Variants in COL28A1 observed in about 807,000 individuals in gnomAD.
COL28A1 encodes the protein collagen alpha-1(XXVIII) chain.
Under a neutral mutation model 150.2 loss-of-function variants are expected in COL28A1, and 161 were observed. The observed-to-expected ratio is 1.07, with a 90% confidence interval of 0.94 to 1.22. The LOEUF is 1.22. Among genes scored for constraint, COL28A1 ranks in the 50% most tolerant of loss-of-function variants. COL28A1 has a pLI of 0.00. For synonymous variants in COL28A1, 552 were observed against 469.7 expected (o/e 1.18, Z -2.26); for missense variants, 1,617 against 1,388.3 (o/e 1.16, Z -2.62).
chr7:7,505,918 A>C (rs1398090191), intron 11 of COL28A1, 96 bp downstream of exon 11: 1 of 781,406 alleles, frequency 1.3e-6, no homozygotes. Context: ...GTACTTCCTC[A>C]AAGAATCCAT....
intron 30 of COL28A1, among the ~76,000 whole-genome samples, chr7:7,376,670 A>G (rs1175019208): frequency 6.6e-6 from 1 of 152,074 alleles, no homozygotes; most frequent in African/African-American, 2.4e-5. Context: ...AAGTATATCT[A>G]GAAAGGGGAA....
chr7:7,518,164 T>TAGG (rs1298389994), intron 6 of COL28A1, among the ~76,000 whole-genome samples: 1 of 152,170 alleles, frequency 6.6e-6, no homozygotes, highest in Non-Finnish European at 1.5e-5. Flanking sequence ...CTCTGGCTTT[T>TAGG]CTCTAAGGGG....
chr7:7,426,254 GTTTC>G (rs990709173), intron 25 of COL28A1, among the ~76,000 whole-genome samples: 3 of 152,164 alleles, frequency 2.0e-5, no homozygotes, highest in African/African-American at 4.8e-5. Flanking sequence ...GCTGCCTTAT[GTTTC>G]TTTCTTTCTG....
At position 7,370,743 on chromosome 7, in the gene COL28A1, T is replaced by C. The variant is rs528922739; in HGVS notation, c.3048A>G (p.Gln1016=). ...EELSESTPEP[Q]KEISESLSVT... ...TACTTACTGACTCAGAAATTTCTTT[T>C]TGAGGCTCTGGAGTAGATTCACTGA... is the stretch of plus-strand genomic sequence containing the variant. Residue 1016 remains glutamine, a synonymous_variant, in exon 33 of 35, where the codon CAA becomes CAG. Transcript: ENST00000399429. 3.1e-6 allele frequency: 5 copies of C among 1,611,228 alleles called. No individual in the cohort carries two copies. In the African/African-American group the frequency reaches 5.3e-5, roughly 17 times the overall value.
At chr7:7,541,040 A>G in the COL28A1 span, among the ~76,000 whole-genome samples, 122 of 152,350 alleles carry the variant, frequency 8.0e-4, 2 homozygotes, top group Admixed American at 7.1e-3. Flanking sequence ...ATATCCAAAA[A>G]AAGTTTTAAA....
the COL28A1 span, among the ~76,000 whole-genome samples, chr7:7,542,716 C>T: frequency 2.6e-5 from 4 of 152,146 alleles, no homozygotes; most frequent in Admixed American, 6.5e-5. Flanking sequence ...AGGGTTGTGA[C>T]ATGATCACAC....
chr7:7,359,896 G>C (rs370298451), intron 34 of COL28A1, among the ~76,000 whole-genome samples: 3 of 152,104 alleles, frequency 2.0e-5, no homozygotes, highest in African/African-American at 7.2e-5. Flanking sequence ...CACAAAAATT[G>C]TCTCTCATGT....
rs1451496327 is a variant in COL28A1 at position 7,485,758 on chromosome 7, G to T, written c.1164+3631C>A. Among the ~76,000 whole-genome samples the T allele has an allele frequency of 3.9e-5, 6 of 152,066 alleles. No individual in the cohort carries two copies. The East Asian group carries it at 1.2e-3, about 29-fold the overall frequency. ...TATTGGATTGCTTTCACAATCTGTT[G>T]ACTATACTTGTGTAGGTCTGAATCT... On this transcript the variant is annotated intron_variant, in intron 13 of 34. Coordinates refer to ENST00000399429, the MANE Select transcript of COL28A1 (RefSeq NM_001037763.3).
chr7:7,490,500 G>A lies in COL28A1; in HGVS notation c.1095+78C>T, dbSNP rs2128369233. On this transcript the variant is annotated intron_variant, in intron 12 of 34. Transcript: ENST00000399429. ...TGTGTCTATTGGATTTAGGCCAAAT[G>A]GAGTTCAAATCATGGCTCCCCCAGG... The A allele has an allele frequency of 1.5e-5, 11 of 718,440 alleles. No homozygotes were observed. The South Asian group carries it at 2.1e-4, about 14-fold the overall frequency. 44.5% of individuals were successfully genotyped at this position (718,440 alleles called of 1,614,324 possible).
chr7:7,392,894 C>A (rs546245055), intron 27 of COL28A1, among the ~76,000 whole-genome samples: 100 of 152,178 alleles, frequency 6.6e-4, no homozygotes, highest in African/African-American at 2.4e-3. Context: ...TTTCAAGGTT[C>A]TTAGCTTCCT....
chr7:7,443,675 TG>T, intron 19 of COL28A1, 22 bp from the exon 20 acceptor site: 1 of 1,613,782 alleles, frequency 6.2e-7, no homozygotes. Context: ...GACACTGATG[TG>T]TTAGCTGACC....
rs189882831 is a variant in COL28A1 at position 7,409,908 on chromosome 7, T to C, written c.2136+7951A>G. 5.3e-5 allele frequency among the ~76,000 whole-genome samples: 8 copies of C among 152,244 alleles called. No homozygotes were observed. In the South Asian group the frequency reaches 6.2e-4, roughly 12 times the overall value. ...TAATGATGATTCAAGCCCCACTCAA[T>C]TGAGAGCCTAAAGTTTTCATTCCAA... On this transcript the variant is annotated intron_variant, in intron 27 of 34. Transcript: ENST00000399429.
intron 27 of COL28A1, among the ~76,000 whole-genome samples, chr7:7,384,646 T>C (rs1386373044): frequency 6.6e-6 from 1 of 152,174 alleles, no homozygotes; most frequent in Non-Finnish European, 1.5e-5. Context: ...GGTTTGGTAG[T>C]ATCCAAGGTT....
In COL28A1 at chr7:7,524,104, C is replaced by T. The variant is rs530418777; in HGVS notation, c.702+125G>A. ...AGATGGCTGCCTCAGAATAGAGTGGCTCATTTTAAAAGAACTAAGCATTTT... is the reference window on the plus strand; with the variant it reads ...AGATGGCTGCCTCAGAATAGAGTGGTTCATTTTAAAAGAACTAAGCATTTT... On this transcript the variant is annotated intron_variant, in intron 4 of 34. Transcript: ENST00000399429. 4.4e-5 allele frequency: 31 copies of T among 702,332 alleles called. No individual in the cohort carries two copies. In the Admixed American group the frequency reaches 6.0e-4, roughly 14 times the overall value. The allele number at this position is 702,332 out of a possible 1,614,324, so 43.5% of individuals were successfully genotyped here. A position where few individuals can be genotyped will look rare whatever the true frequency, so the allele number is the denominator to read the frequency against.
intron 30 of COL28A1, among the ~76,000 whole-genome samples, chr7:7,376,175 A>G (rs1781531289): frequency 1.3e-5 from 2 of 152,050 alleles, no homozygotes; most frequent in Non-Finnish European, 2.9e-5. Flanking sequence ...GTGTGTTTAT[A>G]AGTAACTACA....
chr7:7,539,089 C>T (rs534580852), upstream of COL28A1, among the ~76,000 whole-genome samples: 9 of 141,172 alleles, frequency 6.4e-5, no homozygotes, highest in Non-Finnish European at 1.3e-4. Flanking sequence ...AGAATATGAC[C>T]TAGGCATTCT....
chr7:7,476,525 T>G (rs548636752), intron 14 of COL28A1, among the ~76,000 whole-genome samples: 1 of 152,226 alleles, frequency 6.6e-6, no homozygotes. Flanking sequence ...AGATACCATA[T>G]GGCTCACAAA....
At chr7:7,451,368 A>G (rs1461066221) in intron 18 of COL28A1, among the ~76,000 whole-genome samples, 1 of 151,916 alleles carries the variant, frequency 6.6e-6, no homozygotes, top group African/African-American at 2.4e-5. Flanking sequence ...TGGGACTACA[A>G]GCACGCATCA....
intron 14 of COL28A1, among the ~76,000 whole-genome samples, chr7:7,475,193 C>G (rs1437735030): frequency 2.0e-5 from 3 of 152,126 alleles, no homozygotes; most frequent in African/African-American, 7.2e-5. Flanking sequence ...CCTACAGTTA[C>G]ATGACGTAAG....
Sources: gnomAD v4.1 joint callset for allele counts (sites outside exome capture counted in the v4.1 genomes callset) on GRCh38, gnomAD v4.1.1 for gene constraint, MANE v1.5 for transcripts, NCBI Gene and HGNC (gene_info 2026-07-23, HGNC 2026-07-21) for gene names.